The following CRTAC1 variants were observed in gnomAD, a reference collection of about 807,000 sequenced individuals.
CRTAC1 encodes the protein cartilage acidic protein 1.
A neutral mutation model predicts 67.8 loss-of-function variants in CRTAC1; 37 were observed. The ratio of observed to expected loss-of-function variants is 0.55; its 90% CI spans 0.42 to 0.72. CRTAC1 has a LOEUF of 0.72. Among genes scored for constraint, CRTAC1 ranks in the 30% least tolerant of loss-of-function variants. CRTAC1 has a pLI of 0.00. For synonymous variants in CRTAC1, 348 were observed against 371.0 expected, an observed-to-expected ratio of 0.94 and a Z score of 0.71; for missense variants, 780 against 931.6, an observed-to-expected ratio of 0.84 and a Z score of 2.12.
chr10:97,925,385 C>G (rs1345273915), intron 3 of CRTAC1, among the ~76,000 whole-genome samples: 2 of 150,734 alleles, frequency 1.3e-5, no homozygotes, highest in African/African-American at 4.9e-5. Flanking sequence ...TGTGTGTCAG[C>G]ATGAGAGTGG....
chr10:98,004,192 C>T (rs900438286), intron 2 of CRTAC1, among the ~76,000 whole-genome samples: 2 of 152,230 alleles, frequency 1.3e-5, no homozygotes, highest in African/African-American at 4.8e-5. Flanking sequence ...AATGAAATTT[C>T]AGGGTTAAGG....
At chr10:97,962,535 T>G (rs957440388) in intron 2 of CRTAC1, among the ~76,000 whole-genome samples, 2 of 152,214 alleles carry the variant, frequency 1.3e-5, no homozygotes, top group African/African-American at 4.8e-5. Flanking sequence ...TGTGGAGGGC[T>G]TTAAGTGAAA....
intron 7 of CRTAC1, 21 bp downstream of exon 7, chr10:97,904,648 T>C (rs1338441266): frequency 6.6e-7 from 1 of 1,510,352 alleles, no homozygotes; most frequent in Admixed American, 2.3e-5. Context: ...CTTGAACTCC[T>C]GGGGTGAGGC....
intron 2 of CRTAC1, among the ~76,000 whole-genome samples, chr10:97,941,122 A>G (rs955882717): frequency 7.4e-5 from 11 of 149,314 alleles, no homozygotes; most frequent in Admixed American, 4.0e-4. Flanking sequence ...TTATGAGGCC[A>G]TATCTCAGGG....
intron 2 of CRTAC1, among the ~76,000 whole-genome samples, chr10:97,979,086 A>G (rs1480868315): frequency 6.6e-6 from 1 of 152,128 alleles, no homozygotes; most frequent in Non-Finnish European, 1.5e-5. Flanking sequence ...TGTTATGATC[A>G]GAGGGTCTAA....
chr10:97,955,328 A>T (rs922257273), intron 2 of CRTAC1, among the ~76,000 whole-genome samples: 4 of 152,180 alleles, frequency 2.6e-5, no homozygotes, highest in African/African-American at 4.8e-5. Context: ...AAGTCGTTCC[A>T]CTTGGATCTG....
chr10:97,935,450 G>T (rs1590220867), intron 3 of CRTAC1, among the ~76,000 whole-genome samples: 1 of 152,140 alleles, frequency 6.6e-6, no homozygotes, highest in Admixed American at 6.5e-5. Flanking sequence ...TGACCCAGAG[G>T]CATCATCATC....
intron 2 of CRTAC1, among the ~76,000 whole-genome samples, chr10:98,003,703 T>C (rs1842734905): frequency 6.6e-6 from 1 of 152,226 alleles, no homozygotes; most frequent in Non-Finnish European, 1.5e-5. Context: ...TGGTGGGTTC[T>C]GGGGATTAGG....
chr10:97,896,796 G>T, intron 9 of CRTAC1, 113 bp downstream of exon 9: 1 of 653,610 alleles, frequency 1.5e-6, no homozygotes, highest in Non-Finnish European at 2.5e-6. Context: ...AGTGTGGCAG[G>T]GACAGGAGTG....
intron 2 of CRTAC1, among the ~76,000 whole-genome samples, chr10:97,960,410 A>G (rs2051507439): frequency 6.6e-6 from 1 of 152,238 alleles, no homozygotes; most frequent in African/African-American, 2.4e-5. Flanking sequence ...AATGAAGGAC[A>G]CATGCCTCCA....
intron 2 of CRTAC1, among the ~76,000 whole-genome samples, chr10:97,964,082 C>T (rs1008163985): frequency 1.8e-4 from 27 of 152,220 alleles, no homozygotes; most frequent in African/African-American, 6.3e-4. Flanking sequence ...ATCCTTTCCT[C>T]CTTCTCCTAC....
intron 14 of CRTAC1, among the ~76,000 whole-genome samples, chr10:97,878,238 C>T (rs2050169396): frequency 1.3e-5 from 2 of 152,286 alleles, no homozygotes; most frequent in South Asian, 2.1e-4. Context: ...CCTTTCAGAT[C>T]TTTAGTTCTA....
chr10:97,913,131 A>T (rs1186754833), intron 5 of CRTAC1, among the ~76,000 whole-genome samples: 4 of 152,058 alleles, frequency 2.6e-5, no homozygotes, highest in Admixed American at 2.6e-4. Flanking sequence ...AGAGAGAGAG[A>T]GAGAGTGTGT....
intron 2 of CRTAC1, among the ~76,000 whole-genome samples, chr10:97,968,849 T>C (rs2051660908): frequency 6.6e-6 from 1 of 152,196 alleles, no homozygotes; most frequent in African/African-American, 2.4e-5. Flanking sequence ...CACTAGCGGG[T>C]GCTCACTAAA....
chr10:98,003,865 T>C (rs1842737612), intron 2 of CRTAC1, among the ~76,000 whole-genome samples: 1 of 152,070 alleles, frequency 6.6e-6, no homozygotes, highest in Non-Finnish European at 1.5e-5. Flanking sequence ...CAGGAGAGTA[T>C]GTAATTTGGG....
intron 2 of CRTAC1, among the ~76,000 whole-genome samples, chr10:97,949,004 C>T (rs1351382684): frequency 6.6e-6 from 1 of 152,142 alleles, no homozygotes; most frequent in East Asian, 1.9e-4. Context: ...AATTCCCTCC[C>T]ACAGCACATG....
At chr10:97,998,685 A>C (rs1842631100) in intron 2 of CRTAC1, among the ~76,000 whole-genome samples, 1 of 152,210 alleles carries the variant, frequency 6.6e-6, no homozygotes, top group African/African-American at 2.4e-5. Flanking sequence ...AGATGCAAGA[A>C]GGAAAAATGA....
intron 2 of CRTAC1, among the ~76,000 whole-genome samples, chr10:97,991,420 T>TAATAAATAAATAAATA (rs59622695): frequency 0.014 from 2,029 of 147,174 alleles, 22 homozygotes; most frequent in South Asian, 0.03. Flanking sequence ...CTTTTAAAAA[T>TAATAAATAAATAAATA]AATAAATAAA....
rs1201807226 is a variant in CRTAC1, at chr10:97,975,460, C to T, written c.224+35678G>A. Among the ~76,000 whole-genome samples the T allele has an allele frequency of 6.6e-6, 1 of 152,152 alleles. No homozygotes were observed. Among genetic ancestry groups the T allele is most frequent in the Non-Finnish European group, 1.5e-5 (1 of 68,028 alleles). On this transcript the variant is annotated intron_variant, in intron 2 of 14. Transcript: ENST00000370597. This position sits in a 1 kb window ranked among gnomAD's most constrained non-coding sequence, Gnocchi z 4.8. ...CGGCAGACCTCGCTTTCTTCTTCTT[C>T]TTCAGGGAAGAAGCAGCTGGAAGAC...
Sources: allele counts gnomAD v4.1 joint callset (sites outside exome capture counted in the v4.1 genomes callset), GRCh38; gene constraint gnomAD v4.1.1; non-coding constraint Gnocchi (gnomAD v3.1); transcripts MANE v1.5; gene names NCBI Gene and HGNC (gene_info 2026-07-23, HGNC 2026-07-21).